The following DYNC1I1 variants were observed in gnomAD, a reference collection of about 807,000 sequenced individuals.
DYNC1I1 encodes cytoplasmic dynein 1 intermediate chain 1.
DYNC1I1 carries 43 observed loss-of-function variants against 86.6 expected under a neutral mutation model. That is an observed-to-expected ratio of 0.50 (90% confidence interval 0.39 to 0.64). DYNC1I1 has a LOEUF of 0.64. DYNC1I1 is among the 30% of genes least tolerant of loss of function. The pLI, the probability that DYNC1I1 is intolerant of heterozygous loss-of-function variation, is 0.00. For missense variants in DYNC1I1, 604 were observed against 788.8 expected, an observed-to-expected ratio of 0.77 and a Z score of 2.81; for synonymous variants, 262 against 283.7, an observed-to-expected ratio of 0.92 and a Z score of 0.77.
At chr7:95,921,971 A>G (rs1584162206) in intron 6 of DYNC1I1, among the ~76,000 whole-genome samples, 1 of 152,350 alleles carries the variant, frequency 6.6e-6, no homozygotes, top group East Asian at 1.9e-4. Flanking sequence ...AACACACACA[A>G]GAATTTAAAT....
At chr7:95,946,159 AG>A (rs112394176) in intron 6 of DYNC1I1, among the ~76,000 whole-genome samples, 1 of 152,014 alleles carries the variant, frequency 6.6e-6, no homozygotes, top group African/African-American at 2.4e-5. Context: ...TCAGGGGGGC[AG>A]GGGGAGGGAG....
intron 10 of DYNC1I1, among the ~76,000 whole-genome samples, chr7:96,014,441 G>A (rs183651149): frequency 2.6e-5 from 4 of 152,252 alleles, no homozygotes; most frequent in Admixed American, 1.3e-4. Context: ...CCAGCACACC[G>A]TGTGGATTAC....
At chr7:96,075,953 G>A in intron 14 of DYNC1I1, 104 bp from the exon 15 acceptor site, 1 of 1,495,696 alleles carries the variant, frequency 6.7e-7, no homozygotes, top group African/African-American at 1.4e-5. Flanking sequence ...ATCTCGGGAA[G>A]TTTTATGACA....
At chr7:95,948,388 A>G (rs1358838854) in intron 6 of DYNC1I1, among the ~76,000 whole-genome samples, 1 of 152,108 alleles carries the variant, frequency 6.6e-6, no homozygotes, top group Non-Finnish European at 1.5e-5. Context: ...GGTTGTCCAC[A>G]TTTGTCAGTT....
chr7:96,019,126 G>A (rs1419413263), intron 10 of DYNC1I1, among the ~76,000 whole-genome samples: 1 of 152,072 alleles, frequency 6.6e-6, no homozygotes, highest in Non-Finnish European at 1.5e-5. Flanking sequence ...TGTATACATT[G>A]TGGAAGGGCT....
At chr7:96,030,313 C>T (rs1008385501) in intron 11 of DYNC1I1, among the ~76,000 whole-genome samples, 1 of 145,666 alleles carries the variant, frequency 6.9e-6, no homozygotes. Context: ...TAGCTTTCTT[C>T]TTCCTTAATG....
intron 6 of DYNC1I1, among the ~76,000 whole-genome samples, chr7:95,968,925 C>T (rs1301659729): frequency 6.6e-6 from 1 of 150,566 alleles, no homozygotes; most frequent in Non-Finnish European, 1.5e-5. Flanking sequence ...CCAAGGATGG[C>T]CATAAAGGCT....
chr7:96,084,464 CGG>C (rs1237904858), intron 16 of DYNC1I1, among the ~76,000 whole-genome samples: 2 of 97,354 alleles, frequency 2.1e-5, no homozygotes, highest in African/African-American at 7.3e-5. Flanking sequence ...TTTTTTGAGA[CGG>C]AGTTTTGCTC....
intron 6 of DYNC1I1, among the ~76,000 whole-genome samples, chr7:95,902,914 T>A (rs1384742159): frequency 1.3e-5 from 2 of 152,200 alleles, no homozygotes; most frequent in African/African-American, 4.8e-5. Context: ...CCCATCTTAT[T>A]CCATGGAGAA....
At chr7:95,870,125 A>C in intron 6 of DYNC1I1, 127 bp downstream of exon 6, 1 of 764,912 alleles carries the variant, frequency 1.3e-6, no homozygotes, top group South Asian at 2.3e-5. Flanking sequence ...TGACACTGAA[A>C]GCCAAAGCCT....
chr7:96,067,732 T>C (rs1409086727), intron 14 of DYNC1I1, among the ~76,000 whole-genome samples: 3 of 152,230 alleles, frequency 2.0e-5, no homozygotes, highest in African/African-American at 7.2e-5. Context: ...GGCTTTTCCA[T>C]TGTCCAACAA....
rs1406883628 is a variant in DYNC1I1 at position 95,966,199 on chromosome 7, A to G, written c.491-11313A>G. Reference sequence around the variant, plus strand: ...AGGTGGACTGATGGACAGGATGACCATAGGTCTGGTTTTCCCAGGCACTCT... The same window carrying G: ...AGGTGGACTGATGGACAGGATGACCGTAGGTCTGGTTTTCCCAGGCACTCT... On this transcript the variant is annotated intron_variant, in intron 6 of 16. Coordinates refer to ENST00000447467, the MANE Select transcript of DYNC1I1 (RefSeq NM_001135556.2). Among the ~76,000 whole-genome samples, 3 of 152,358 alleles carry G rather than the reference A, an allele frequency of 2.0e-5. 1 individual carries two copies. The East Asian group carries it at 5.8e-4, about 29-fold the overall frequency.
chr7:95,799,845 G>A (rs1298584284), intron 1 of DYNC1I1, among the ~76,000 whole-genome samples: 2 of 151,832 alleles, frequency 1.3e-5, no homozygotes, highest in Non-Finnish European at 2.9e-5. Context: ...CTTTTTAAAT[G>A]ATTGCAGTGA....
At chr7:96,016,851 T>TAC (rs1358622940) in intron 10 of DYNC1I1, among the ~76,000 whole-genome samples, 1 of 152,184 alleles carries the variant, frequency 6.6e-6, no homozygotes, top group Non-Finnish European at 1.5e-5. Flanking sequence ...AATTTGTGGC[T>TAC]ACACTTCAAG....
chr7:95,973,351 A>C (rs532153913), intron 6 of DYNC1I1, among the ~76,000 whole-genome samples: 1 of 152,290 alleles, frequency 6.6e-6, no homozygotes, highest in African/African-American at 2.4e-5. Flanking sequence ...CAAAACACTT[A>C]CTTTATGTCT....
At chr7:95,904,752 T>G (rs1300027101) in intron 6 of DYNC1I1, among the ~76,000 whole-genome samples, 1 of 152,142 alleles carries the variant, frequency 6.6e-6, no homozygotes, top group African/African-American at 2.4e-5. Context: ...TTGGAAAACT[T>G]TTTCCTTGAC....
intron 6 of DYNC1I1, among the ~76,000 whole-genome samples, chr7:95,927,645 TA>T (rs1791780509): frequency 6.6e-6 from 1 of 152,046 alleles, no homozygotes; most frequent in Non-Finnish European, 1.5e-5. Context: ...GAGCAAATGA[TA>T]ACATGAAACA....
intron 6 of DYNC1I1, among the ~76,000 whole-genome samples, chr7:95,877,465 G>A (rs1187577311): frequency 6.6e-6 from 1 of 152,168 alleles, no homozygotes; most frequent in Non-Finnish European, 1.5e-5. Context: ...GTGTGCCATT[G>A]TCCCCTCCCC....
At chr7:95,996,205 T>C (rs1350739467) in intron 10 of DYNC1I1, 132 bp downstream of exon 10, 5 of 1,359,154 alleles carry the variant, frequency 3.7e-6, no homozygotes, top group East Asian at 2.5e-5. Context: ...TTTTGGAAAA[T>C]TCCCCCACAG....
Sources: gnomAD v4.1 joint callset for allele counts (sites outside exome capture counted in the v4.1 genomes callset) on GRCh38, gnomAD v4.1.1 for gene constraint, MANE v1.5 for transcripts, NCBI Gene and HGNC (gene_info 2026-07-23, HGNC 2026-07-21) for gene names.